The following GRIK2 variants were observed in gnomAD, a reference collection of about 807,000 sequenced individuals.
GRIK2 encodes the protein glutamate receptor ionotropic, kainate 2.
In GRIK2, 32 loss-of-function variants were observed where a neutral mutation model predicts 100.3. The observed-to-expected ratio is 0.32, with a 90% confidence interval of 0.24 to 0.43. The LOEUF (loss-of-function observed/expected upper bound fraction) is 0.43. Among genes scored for constraint, GRIK2 ranks in the 20% least tolerant of loss-of-function variants. GRIK2 has a pLI of 1.00. For synonymous variants in GRIK2, 417 were observed against 389.4 expected (o/e 1.07, Z -0.83); for missense variants, 843 against 1,114.9 (o/e 0.76, Z 3.47).
intron 7 of GRIK2, among the ~76,000 whole-genome samples, chr6:101,759,436 A>G (rs1288405255): frequency 2.0e-5 from 3 of 152,164 alleles, no homozygotes; most frequent in Non-Finnish European, 4.4e-5. Context: ...GCAACTATTG[A>G]GTGTATAGAG....
At chr6:101,740,188 A>G (rs893190039) in intron 7 of GRIK2, among the ~76,000 whole-genome samples, 2 of 152,184 alleles carry the variant, frequency 1.3e-5, no homozygotes, top group Non-Finnish European at 2.9e-5. Context: ...AGTGTGGGAC[A>G]CTGGCTCAGC....
chr6:101,883,256 G>A (rs1351360027), intron 11 of GRIK2, among the ~76,000 whole-genome samples: 4 of 148,288 alleles, frequency 2.7e-5, no homozygotes, highest in Admixed American at 6.8e-5. Context: ...AAAAATCAAT[G>A]AAAATACAAA....
At chr6:101,838,640 CT>C (rs11286685) in intron 10 of GRIK2, among the ~76,000 whole-genome samples, 43,018 of 150,770 alleles carry the variant, frequency 0.29, 8,939 homozygotes, top group East Asian at 0.68. Context: ...CTTTTTTTCA[CT>C]CTATTAATAC....
At chr6:101,436,601 G>A (rs1260690673) in intron 2 of GRIK2, among the ~76,000 whole-genome samples, 2 of 151,868 alleles carry the variant, frequency 1.3e-5, no homozygotes, top group African/African-American at 4.8e-5. Context: ...GAACTAGTCT[G>A]GATAGAGAAT....
At chr6:101,790,379 A>C (rs1380943485) in intron 7 of GRIK2, among the ~76,000 whole-genome samples, 4 of 152,128 alleles carry the variant, frequency 2.6e-5, no homozygotes, top group African/African-American at 4.8e-5. Context: ...GAGATACGTC[A>C]CATCAATTCC....
intron 14 of GRIK2, among the ~76,000 whole-genome samples, chr6:101,973,704 A>C (rs1172300667): frequency 6.6e-6 from 1 of 151,950 alleles, no homozygotes; most frequent in Non-Finnish European, 1.5e-5. Flanking sequence ...AAATTGCCCT[A>C]AATAGCATTA....
chr6:101,945,819 G>T (rs1451474534), intron 14 of GRIK2, among the ~76,000 whole-genome samples: 1 of 150,506 alleles, frequency 6.6e-6, no homozygotes, highest in Admixed American at 6.6e-5. Flanking sequence ...TTTCATTTAT[G>T]TTATTCTTCT....
At position 102,069,339 on chromosome 6, in the gene GRIK2, A is replaced by AT. The variant is rs200738248; in HGVS notation, c.*828_*829insT. On this transcript the variant is annotated 3_prime_UTR_variant, in exon 17 of 17. Coordinates refer to ENST00000369134, the MANE Select transcript of GRIK2 (RefSeq NM_021956.5). ...AATAATAATAATAATAATAATAATA[A>AT]AAGCAGTTGGTTCAGTGATTCTGAA... 1 of 146,196 alleles carries AT rather than the reference A, an allele frequency of 6.8e-6. No homozygotes were observed. The highest frequency in any genetic ancestry group is 2.5e-5 in the African/African-American group (1 of 39,270). 9.1% of individuals were successfully genotyped at this position (146,196 alleles called of 1,614,324 possible).
At chr6:101,946,241 C>G (rs1252025411) in intron 14 of GRIK2, among the ~76,000 whole-genome samples, 1 of 151,896 alleles carries the variant, frequency 6.6e-6, no homozygotes, top group Non-Finnish European at 1.5e-5. Flanking sequence ...CACATATCTT[C>G]TGATATATAT....
At chr6:101,975,457 G>A (rs143193777) in intron 14 of GRIK2, among the ~76,000 whole-genome samples, 17 of 152,054 alleles carry the variant, frequency 1.1e-4, no homozygotes, top group Non-Finnish European at 2.2e-4. Context: ...GGGAAACCAA[G>A]AAAAGGGCTT....
intron 14 of GRIK2, among the ~76,000 whole-genome samples, chr6:101,964,880 TAGAG>T (rs763521134): frequency 6.6e-6 from 1 of 151,864 alleles, no homozygotes; most frequent in Non-Finnish European, 1.5e-5. Context: ...GAGTCAGGCA[TAGAG>T]AGAGAGAGAA....
rs1436986471 is a variant in GRIK2, at chr6:101,724,616, CTTTAT to C, written c.951+38265_951+38269del. Among the ~76,000 whole-genome samples, 11 of 151,986 alleles carry C rather than the reference CTTTAT, an allele frequency of 7.2e-5. No individual in the cohort carries two copies. In the East Asian group the frequency reaches 1.6e-3, roughly 21 times the overall value. ...CTATTGATAGACACCTATGTACAGT[CTTTAT>C]TCACTATTTAAAATAGATTTATGGG... On this transcript the variant is annotated intron_variant, in intron 7 of 16. Coordinates refer to ENST00000369134, the MANE Select transcript of GRIK2 (RefSeq NM_021956.5).
chr6:101,753,366 T>G (rs1230443518), intron 7 of GRIK2, among the ~76,000 whole-genome samples: 1 of 151,818 alleles, frequency 6.6e-6, no homozygotes, highest in Middle Eastern at 3.4e-3. Context: ...CCTATGAATA[T>G]AATAAGATTT....
rs922961864 is a variant in GRIK2, at chr6:101,588,852, G to T, written c.116-33097G>T. The stretch of plus-strand genomic sequence containing the variant: ...AAAAATATGTATATATTTAAAAAAA[G>T]ATCATTCTAGCTTAAGTGAACAATA... On this transcript the variant is annotated intron_variant, in intron 2 of 16. Coordinates refer to ENST00000369134, the MANE Select transcript of GRIK2 (RefSeq NM_021956.5). Among the ~76,000 whole-genome samples, 5 of 151,846 alleles carry T rather than the reference G, an allele frequency of 3.3e-5. 1 individual carries two copies. The highest frequency in any genetic ancestry group is 3.3e-4 in the Admixed American group (5 of 15,210).
chr6:101,882,431 A>C (rs1786316260), intron 11 of GRIK2, among the ~76,000 whole-genome samples: 1 of 152,150 alleles, frequency 6.6e-6, no homozygotes, highest in Non-Finnish European at 1.5e-5. Flanking sequence ...TGAAGACATC[A>C]GTTAAGTTTA....
At chr6:101,782,573 GTATA>G (rs1167831334) in intron 7 of GRIK2, among the ~76,000 whole-genome samples, 2 of 152,120 alleles carry the variant, frequency 1.3e-5, no homozygotes, top group Non-Finnish European at 1.5e-5. Flanking sequence ...GTTCTATTGT[GTATA>G]TATCCTACAT....
At chr6:101,769,659 A>G (rs576549709) in intron 7 of GRIK2, among the ~76,000 whole-genome samples, 1 of 152,282 alleles carries the variant, frequency 6.6e-6, no homozygotes, top group South Asian at 2.1e-4. Flanking sequence ...AAATAAATGT[A>G]TATACTTGTT....
intron 11 of GRIK2, among the ~76,000 whole-genome samples, chr6:101,859,973 ATTTAATTAGTATTTAGTATT>A (rs1784645664): frequency 6.6e-6 from 1 of 152,080 alleles, no homozygotes; most frequent in African/African-American, 2.4e-5. Context: ...AGAATTTAGT[ATTTAATTAGTATTTAGTATT>A]TTTAATTAGC....
intron 7 of GRIK2, among the ~76,000 whole-genome samples, chr6:101,693,851 G>C (rs1299410435): frequency 6.6e-6 from 1 of 151,946 alleles, no homozygotes. Flanking sequence ...ATATGTATAT[G>C]TATATGATCC....
Sources: allele counts gnomAD v4.1 joint callset (sites outside exome capture counted in the v4.1 genomes callset), GRCh38; gene constraint gnomAD v4.1.1; transcripts MANE v1.5; gene names NCBI Gene and HGNC (gene_info 2026-07-23, HGNC 2026-07-21).